Variants in DNAJC2 observed in about 807,000 individuals in gnomAD.
DNAJC2 encodes dnaJ homolog subfamily C member 2.
DNAJC2 carries 32 observed loss-of-function variants against 94.0 expected under a neutral mutation model. That is an observed-to-expected ratio of 0.34 (90% CI 0.26 to 0.46). The LOEUF is 0.46. DNAJC2 is among the 20% of genes least tolerant of loss of function. The probability of loss-of-function intolerance (pLI) is 1.00; values close to 1 mark genes in which losing one functional copy is unlikely to be tolerated. For missense variants in DNAJC2, 550 were observed against 719.5 expected, an observed-to-expected ratio of 0.76 and a Z score of 2.69; for synonymous variants, 210 against 229.7, an observed-to-expected ratio of 0.91 and a Z score of 0.77.
intron 3 of DNAJC2, 91 bp from the exon 4 acceptor site, chr7:103,327,845 C>A: frequency 1.4e-6 from 1 of 710,880 alleles, no homozygotes; most frequent in Non-Finnish European, 2.4e-6. Flanking sequence ...AATCATAAGG[C>A]TAATATTAGA....
intron 1 of DNAJC2, 121 bp from the exon 2 acceptor site, chr7:103,342,075 C>G (rs532222775): frequency 1.1e-5 from 7 of 652,760 alleles, no homozygotes; most frequent in Non-Finnish European, 1.6e-5. Flanking sequence ...CTTTTAAAAC[C>G]ACCGACTACG....
chr7:103,327,951 G>A (rs1053513370), intron 3 of DNAJC2, among the ~76,000 whole-genome samples, 197 bp from the exon 4 acceptor site: 2 of 152,040 alleles, frequency 1.3e-5, no homozygotes, highest in Non-Finnish European at 2.9e-5. Context: ...ACAGAGTTTT[G>A]CTCTTGTTGC....
intron 3 of DNAJC2, chr7:103,336,569 T>C (rs1261665490): frequency 6.6e-6 from 1 of 152,210 alleles, no homozygotes; most frequent in African/African-American, 2.4e-5. Flanking sequence ...TGGTCTCATA[T>C]TCCTCACCTC....
chr7:103,337,815 G>GAA lies in DNAJC2; in HGVS notation c.256-6_256-5dup, dbSNP rs752510242. 1.2e-5 allele frequency: 19 copies of GAA among 1,605,644 alleles called. No homozygotes were observed. In the South Asian group the frequency reaches 2.1e-4, roughly 18 times the overall value. On this transcript the variant is annotated splice_region_variant and splice_polypyrimidine_tract_variant and intron_variant, in intron 2 of 16. Transcript: ENST00000379263. ...GAACTGCATAATGATCTTGGTTCTG[G>GAA]AAAAAAAACACAAAAGGGAGTCAAA...
chr7:103,315,169 ATTT>A (rs35425130), intron 15 of DNAJC2, among the ~76,000 whole-genome samples: 6 of 146,856 alleles, frequency 4.1e-5, no homozygotes, highest in African/African-American at 7.5e-5. Flanking sequence ...AAACCCTAAC[ATTT>A]TTTTTTTTTT....
Position 103,322,776 on chromosome 7 carries a change from C to A in DNAJC2, c.738G>T (p.Trp246Cys). ...EKAECRDERR[W>C]IEKQNRATRA... ...TTGTTGCTCTGTTCTGCTTTTCAAT[C>A]CATCTCCTCTCATCACGACTATAAA... Residue 246 changes from tryptophan to cysteine, a missense_variant, in exon 8 of 17, where the codon TGG becomes TGT. Physicochemically the swap from Trp to Cys is radical, Grantham distance 215. This residue lies in a region of DNAJC2 where 279 missense variants were observed against 416.9 expected (regional missense o/e 0.67). Coordinates refer to ENST00000379263, the MANE Select transcript of DNAJC2 (RefSeq NM_014377.3). 1 of 1,605,956 alleles carries A rather than the reference C, an allele frequency of 6.2e-7. No homozygotes were observed. Among genetic ancestry groups the A allele is most frequent in the Non-Finnish European group, 8.5e-7 (1 of 1,179,514 alleles).
rs991597082 is a variant in DNAJC2 at position 103,323,586 on chromosome 7, T to G, written c.719+12A>C. The G allele has an allele frequency of 2.5e-5, 37 of 1,455,640 alleles. No individual in the cohort carries two copies. The highest frequency in any genetic ancestry group is 9.6e-5 in the Admixed American group (4 of 41,566). The allele number at this position is 1,455,640 out of a possible 1,614,324, so 90.2% of individuals were successfully genotyped here. On this transcript the variant is annotated intron_variant, in intron 7 of 16. Transcript: ENST00000379263. ...ATAAATACCTTCCATTATTAATGAT[T>G]TGCATACATACCATTCTGCTTTTTC...
In DNAJC2 at chr7:103,322,558, T is replaced by C; in HGVS notation, c.886A>G (p.Lys296Glu). 1 of 1,585,002 alleles carries C rather than the reference T, an allele frequency of 6.3e-7. No homozygotes were observed. Among genetic ancestry groups the C allele is most frequent in the Non-Finnish European group, 8.6e-7 (1 of 1,158,228 alleles). The change falls in exon 9 of 17, where the codon AAA becomes GAA. Residue 296 changes from lysine to glutamate, a missense_variant. Around this residue, in one of 2 missense-constraint regions of DNAJC2, gnomAD observed 279 missense variants for 416.9 expected, o/e 0.67. Transcript: ENST00000379263. ...TTCCGTTTAGCTTCTGCTTTTGCTTTCTTTTCTGCTTCTTTCTTGGCTTTT... is the reference window on the plus strand; with the variant it reads ...TTCCGTTTAGCTTCTGCTTTTGCTTCCTTTTCTGCTTCTTTCTTGGCTTTT... ...EEKAKKEAEKKAKAEAKRKEQ... is the reference protein window; with the variant it reads ...EEKAKKEAEKEAKAEAKRKEQ...
At chr7:103,318,769 T>C (rs944839290) in intron 12 of DNAJC2, among the ~76,000 whole-genome samples, 2 of 152,250 alleles carry the variant, frequency 1.3e-5, no homozygotes, top group Admixed American at 6.5e-5. Context: ...TATTACCCTA[T>C]GAAAATACTC....
At chr7:103,342,968 A>G (rs1371770635) in intron 1 of DNAJC2, among the ~76,000 whole-genome samples, 3 of 151,996 alleles carry the variant, frequency 2.0e-5, no homozygotes, top group Non-Finnish European at 2.9e-5. Context: ...AGCTAGCCTC[A>G]CCAAAAATAA....
rs1297257628 is a variant in DNAJC2, at chr7:103,316,888, C to T, written c.1369G>A (p.Asp457Asn). 1.2e-6 allele frequency: 2 copies of T among 1,614,010 alleles called. No homozygotes were observed. Among genetic ancestry groups the T allele is most frequent in the East Asian group, 4.5e-5 (2 of 44,874 alleles). ...GGNGSKNWSE[D>N]DLQLLIKAVN... ...GCTTTAATTAGTAATTGTAGATCAT[C>T]TTCTGACCAATTTTTACTTCCATTT... Residue 457 changes from aspartate to asparagine, a missense_variant, in exon 13 of 17, where the codon GAT becomes AAT. This residue lies in a region of DNAJC2 where 271 missense variants were observed against 302.6 expected (regional missense o/e 0.90). Transcript: ENST00000379263.
chr7:103,341,100 C>T (rs1241187481), intron 2 of DNAJC2, among the ~76,000 whole-genome samples: 2 of 152,182 alleles, frequency 1.3e-5, no homozygotes, highest in African/African-American at 4.8e-5. Context: ...TCTGACCCCT[C>T]TTCCTCAAAA....
chr7:103,339,609 T>C (rs2116048014), intron 2 of DNAJC2, among the ~76,000 whole-genome samples: 1 of 152,228 alleles, frequency 6.6e-6, no homozygotes, highest in South Asian at 2.1e-4. Flanking sequence ...CAATGGTTTT[T>C]TTTTTTTTTG....
intron 3 of DNAJC2, among the ~76,000 whole-genome samples, chr7:103,334,462 CTGAGGCAGAAGAA>C (rs1301845476): frequency 6.6e-6 from 1 of 151,688 alleles, no homozygotes. Flanking sequence ...ACTTAGGAGG[CTGAGGCAGAAGAA>C]TGAGGCAGGA....
At position 103,344,684 on chromosome 7, in the gene DNAJC2, G is replaced by T. The variant is rs1163471468; in HGVS notation, c.-62C>A. 6.4e-7 allele frequency: 1 copy of T among 1,558,902 alleles called. No individual in the cohort carries two copies. The highest frequency in any genetic ancestry group is 8.7e-7 in the Non-Finnish European group (1 of 1,144,136). On this transcript the variant is annotated 5_prime_UTR_variant, in exon 1 of 17. Coordinates refer to ENST00000379263, the MANE Select transcript of DNAJC2 (RefSeq NM_014377.3). ...CACGTCCCGGGCGGAGGGCGCTTAG[G>T]GTCCCCTCCAGCTCTACCTCTCACT... is the stretch of plus-strand genomic sequence containing the variant.
chr7:103,324,838 A>G (rs1351402193), intron 5 of DNAJC2: 2 of 199,416 alleles, frequency 1.0e-5, no homozygotes, highest in Non-Finnish European at 1.0e-5. Context: ...ATAAAATACA[A>G]TGCCATAGCA....
At chr7:103,313,265 AAG>A (rs1021641501) in intron 15 of DNAJC2, 164 bp from the exon 16 acceptor site, 139 of 1,348,908 alleles carry the variant, frequency 1.0e-4, no homozygotes, top group Non-Finnish European at 1.2e-4. Flanking sequence ...GAGTGTTAAT[AAG>A]AGAAAAAATT....
chr7:103,316,417 G>T, intron 13 of DNAJC2: 1 of 221,364 alleles, frequency 4.5e-6, no homozygotes. Context: ...AAACAGCCTC[G>T]GTTTCATCTA....
At chr7:103,316,135 CAA>C in intron 13 of DNAJC2, 47 bp from the exon 14 acceptor site, 4 of 1,224,254 alleles carry the variant, frequency 3.3e-6, no homozygotes, top group Non-Finnish European at 4.5e-6. Context: ...TAAGGAAAAA[CAA>C]AATGAAACGA....
Sources: gnomAD v4.1 joint callset for allele counts (sites outside exome capture counted in the v4.1 genomes callset) on GRCh38, gnomAD v4.1.1 for gene constraint, gnomAD v4.1.1 regional missense constraint, MANE v1.5 for transcripts, NCBI Gene and HGNC (gene_info 2026-07-23, HGNC 2026-07-21) for gene names.